TRAK2: variants seen among roughly 807,000 people sequenced by gnomAD.
TRAK2 encodes the protein trafficking kinesin protein 2, also known as trafficking kinesin-binding protein 2.
Under a neutral mutation model 104.6 loss-of-function variants are expected in TRAK2, and 81 were observed. The ratio of observed to expected loss-of-function variants is 0.77; its 90% CI spans 0.65 to 0.93. The LOEUF (loss-of-function observed/expected upper bound fraction) is 0.93. Ranked by LOEUF, TRAK2 falls within the 40% of genes least tolerant of loss-of-function variation. The pLI is 0.00. For missense variants in TRAK2, 1,002 were observed against 1,089.0 expected, an observed-to-expected ratio of 0.92 and a Z score of 1.12; for synonymous variants, 406 against 394.4, an observed-to-expected ratio of 1.03 and a Z score of -0.35.
In TRAK2 at chr2:201,379,869, A is replaced by C. The variant is rs1576500615; in HGVS notation, c.*674T>G. 6.6e-6 allele frequency: 1 copy of C among 150,950 alleles called. No homozygotes were observed. Among genetic ancestry groups the C allele is most frequent in the African/African-American group, 2.4e-5 (1 of 41,110 alleles). 9.4% of individuals were successfully genotyped at this position (150,950 alleles called of 1,614,324 possible). ...CAAATTTAAAAAATGAACTTTTATT[A>C]ATCATAAATACAAAATAATTGAGTG... On this transcript the variant is annotated 3_prime_UTR_variant, in exon 16 of 16. Transcript: ENST00000332624.
rs1951311108 is a variant in TRAK2 at position 201,378,731 on chromosome 2, G to A, written c.*1812C>T. 2.0e-5 allele frequency: 3 copies of A among 152,070 alleles called. No individual in the cohort carries two copies. Among genetic ancestry groups the A allele is most frequent in the African/African-American group, 4.8e-5 (2 of 41,388 alleles). 9.4% of individuals were successfully genotyped at this position (152,070 alleles called of 1,614,324 possible). A position where few individuals can be genotyped will look rare whatever the true frequency, so the allele number is the denominator to read the frequency against. ...TGACCTCAGCACAACTGAGTGAAGG[G>A]GAACGAAAGGGAGAGACCATCTTCA... is the stretch of plus-strand genomic sequence containing the variant. On this transcript the variant is annotated 3_prime_UTR_variant, in exon 16 of 16. Coordinates refer to ENST00000332624, the MANE Select transcript of TRAK2 (RefSeq NM_015049.3).
Position 201,427,323 on chromosome 2 carries a change from C to G in TRAK2, c.-199-6617G>C, listed in dbSNP as rs548974801. Among the ~76,000 whole-genome samples, 8 of 141,582 alleles carry G rather than the reference C, an allele frequency of 5.7e-5. No individual in the cohort carries two copies. In the East Asian group the frequency reaches 1.4e-3, roughly 24 times the overall value. The allele number at this position is 141,582 out of a possible 152,430, so 92.9% of individuals were successfully genotyped here. A position where few individuals can be genotyped will look rare whatever the true frequency, so the allele number is the denominator to read the frequency against. On this transcript the variant is annotated intron_variant, in intron 1 of 15. Coordinates refer to ENST00000332624, the MANE Select transcript of TRAK2 (RefSeq NM_015049.3). Reference sequence around the variant, plus strand: ...TTTCTTCTAATGCTATCCCTCCCCCCTCCCCGCACCCCAAAACAGGCCCTG... The same window carrying G: ...TTTCTTCTAATGCTATCCCTCCCCCGTCCCCGCACCCCAAAACAGGCCCTG...
intron 1 of TRAK2, among the ~76,000 whole-genome samples, chr2:201,449,480 CTTTTTTTTTTTT>C (rs3083385): frequency 1.0e-5 from 1 of 98,096 alleles, no homozygotes; most frequent in Admixed American, 1.1e-4. Flanking sequence ...AATGTTGGTT[CTTTTTTTTTTTT>C]TTTTTTTTTG....
rs1951312782 is a variant in TRAK2, at chr2:201,378,918, T to G, written c.*1625A>C. ...TGCCTCAAAAGGGGAGAGGAAGGAC[T>G]CTCCTTGGCCTGGGAATAGGTGTGC... On this transcript the variant is annotated 3_prime_UTR_variant, in exon 16 of 16. Coordinates refer to ENST00000332624, the MANE Select transcript of TRAK2 (RefSeq NM_015049.3). 1 of 152,092 alleles carries G rather than the reference T, an allele frequency of 6.6e-6. No individual in the cohort carries two copies. The highest frequency in any genetic ancestry group is 2.4e-5 in the African/African-American group (1 of 41,396). 9.4% of individuals were successfully genotyped at this position (152,092 alleles called of 1,614,324 possible). A position where few individuals can be genotyped will look rare whatever the true frequency, so the allele number is the denominator to read the frequency against.
chr2:201,392,076 T>G (rs1039447140), intron 10 of TRAK2, among the ~76,000 whole-genome samples: 2 of 152,110 alleles, frequency 1.3e-5, no homozygotes, highest in African/African-American at 4.8e-5. Context: ...AATACACACT[T>G]AAGTACTACG....
chr2:201,413,964 CCT>C (rs1951670381), intron 2 of TRAK2, among the ~76,000 whole-genome samples: 1 of 152,172 alleles, frequency 6.6e-6, no homozygotes, highest in African/African-American at 2.4e-5. Flanking sequence ...GAATCTGACT[CCT>C]CTACTAATTG....
chr2:201,428,815 C>T (rs1280636666), intron 1 of TRAK2, among the ~76,000 whole-genome samples: 1 of 152,182 alleles, frequency 6.6e-6, no homozygotes, highest in Non-Finnish European at 1.5e-5. Context: ...GAATGTTCTT[C>T]CATTTGTTTG....
intron 1 of TRAK2, among the ~76,000 whole-genome samples, chr2:201,444,925 C>G (rs1191923209): frequency 6.6e-6 from 1 of 152,140 alleles, no homozygotes; most frequent in Non-Finnish European, 1.5e-5. Context: ...TCCATTGTTA[C>G]ACAATAGAGT....
At position 201,394,815 on chromosome 2, in the gene TRAK2, G is replaced by A. The variant is rs145122223; in HGVS notation, c.958C>T (p.Arg320Trp). 34 of 1,613,674 alleles carry A rather than the reference G, an allele frequency of 2.1e-5. No homozygotes were observed. Among genetic ancestry groups the A allele is most frequent in the African/African-American group, 2.7e-5 (2 of 74,890 alleles). The change falls in exon 9 of 16, where the codon CGG (arginine) becomes TGG (tryptophan). Residue 320 changes from arginine to tryptophan, a missense_variant. Coordinates refer to ENST00000332624, the MANE Select transcript of TRAK2 (RefSeq NM_015049.3). ...TTCATTACCTCCATTGTCAGTTGCC[G>A]TTGGGCATCTTTGGAAGCTTGCAGG... ...LHLQASKDAQRQLTMELHELQ... is the reference protein window; with the variant it reads ...LHLQASKDAQWQLTMELHELQ...
chr2:201,391,256 T>G (rs906684027), intron 10 of TRAK2, among the ~76,000 whole-genome samples: 2 of 152,164 alleles, frequency 1.3e-5, no homozygotes, highest in Non-Finnish European at 2.9e-5. Context: ...ACATACAGAT[T>G]GAATATACAA....
intron 1 of TRAK2, among the ~76,000 whole-genome samples, chr2:201,427,893 T>C (rs1951804385): frequency 6.6e-6 from 1 of 152,226 alleles, no homozygotes; most frequent in Non-Finnish European, 1.5e-5. Flanking sequence ...TATCCCATTG[T>C]GGTTTGCATT....
intron 5 of TRAK2, 139 bp downstream of exon 5, chr2:201,399,238 T>C: frequency 1.7e-6 from 1 of 582,488 alleles, no homozygotes; most frequent in Non-Finnish European, 3.1e-6. Context: ...TACTGATTAG[T>C]TTAATGGACA....
intron 2 of TRAK2, among the ~76,000 whole-genome samples, chr2:201,408,154 C>A (rs920632646): frequency 3.9e-5 from 6 of 152,158 alleles, no homozygotes; most frequent in African/African-American, 1.4e-4. Context: ...TCCCGCTACC[C>A]TTCCTAGCCT....
Position 201,386,494 on chromosome 2 carries a change from C to A in TRAK2, c.1697-10G>T. 2.5e-6 allele frequency: 4 copies of A among 1,611,650 alleles called. No individual in the cohort carries two copies. Among genetic ancestry groups the A allele is most frequent in the Non-Finnish European group, 3.4e-6 (4 of 1,178,108 alleles). Reference sequence around the variant, plus strand: ...TACAGAGTTTGTGATCCTGAATATGCAAAACAAAGGAAGGGGAAAGGCATG... The same window carrying A: ...TACAGAGTTTGTGATCCTGAATATGAAAAACAAAGGAAGGGGAAAGGCATG... On this transcript the variant is annotated splice_polypyrimidine_tract_variant and intron_variant, in intron 13 of 15. Transcript: ENST00000332624.
At chr2:201,446,730 G>A (rs1951967536) in intron 1 of TRAK2, among the ~76,000 whole-genome samples, 1 of 152,220 alleles carries the variant, frequency 6.6e-6, no homozygotes, top group Non-Finnish European at 1.5e-5. Context: ...AAAATGAATA[G>A]TAGGTATTTC....
chr2:201,396,201 C>T (rs1228481750), intron 7 of TRAK2, among the ~76,000 whole-genome samples: 1 of 152,018 alleles, frequency 6.6e-6, no homozygotes, highest in Admixed American at 6.6e-5. Flanking sequence ...CAAAGGATGG[C>T]GATACACAGG....
intron 2 of TRAK2, among the ~76,000 whole-genome samples, chr2:201,408,383 T>C (rs1951615116): frequency 6.6e-6 from 1 of 152,182 alleles, no homozygotes; most frequent in Non-Finnish European, 1.5e-5. Context: ...GTAGGTAAAC[T>C]CATGTCACGG....
chr2:201,430,268 CG>C (rs985062967), intron 1 of TRAK2, among the ~76,000 whole-genome samples: 1 of 152,214 alleles, frequency 6.6e-6, no homozygotes, highest in Admixed American at 6.5e-5. Flanking sequence ...TTAGGCTACT[CG>C]GGGGTCAGGG....
chr2:201,448,899 C>T (rs1276717739), intron 1 of TRAK2, among the ~76,000 whole-genome samples: 1 of 152,138 alleles, frequency 6.6e-6, no homozygotes, highest in African/African-American at 2.4e-5. Context: ...TGGGGTTTTG[C>T]TATGTTGAAC....
Sources: gnomAD v4.1 joint callset for allele counts (sites outside exome capture counted in the v4.1 genomes callset) on GRCh38, gnomAD v4.1.1 for gene constraint, MANE v1.5 for transcripts, NCBI Gene and HGNC (gene_info 2026-07-23, HGNC 2026-07-21) for gene names.